CACNA1B: variants seen among roughly 807,000 people sequenced by gnomAD.
The protein encoded by CACNA1B is calcium voltage-gated channel subunit alpha1 B.
In CACNA1B, 70 loss-of-function variants were observed where a neutral mutation model predicts 247.2. The ratio of observed to expected loss-of-function variants is 0.28; its 90% CI spans 0.23 to 0.35. The LOEUF (loss-of-function observed/expected upper bound fraction) is 0.35. Ranked by LOEUF, CACNA1B falls within the 10% of genes least tolerant of loss-of-function variation. The pLI is 1.00. For missense variants in CACNA1B, 2,367 were observed against 3,197.4 expected (o/e 0.74, Z 6.26); for synonymous variants, 1,231 against 1,294.4 (o/e 0.95, Z 1.05).
rs1029878985 is a variant in CACNA1B at position 138,059,562 on chromosome 9, G to T, written c.4585-92G>T. Reference sequence around the variant, plus strand: ...GTGCTCAGGGTCTATCACCCTCACCGCTTTCTTAATCAGGGCCACCACCTA... The same window carrying T: ...GTGCTCAGGGTCTATCACCCTCACCTCTTTCTTAATCAGGGCCACCACCTA... On this transcript the variant is annotated intron_variant, in intron 30 of 46. Coordinates refer to ENST00000371372, the MANE Select transcript of CACNA1B (RefSeq NM_000718.4). The surrounding 1 kb of genome is among the most constrained non-coding windows in gnomAD (Gnocchi z 4.2). 1 of 797,678 alleles carries T rather than the reference G, an allele frequency of 1.3e-6. No individual in the cohort carries two copies. The highest frequency in any genetic ancestry group is 1.7e-5 in the African/African-American group (1 of 59,244). 49.4% of individuals were successfully genotyped at this position (797,678 alleles called of 1,614,324 possible).
At chr9:138,088,384 G>GT (rs1564280659) in intron 36 of CACNA1B, among the ~76,000 whole-genome samples, 1 of 151,506 alleles carries the variant, frequency 6.6e-6, no homozygotes, top group African/African-American at 2.4e-5. Context: ...AAAAAAAATT[G>GT]TTTTTTTGAA....
At position 137,990,698 on chromosome 9, in the gene CACNA1B, T is replaced by C. The variant is rs1040884956; in HGVS notation, c.1974+3844T>C. Among the ~76,000 whole-genome samples, 1 of 146,246 alleles carries C rather than the reference T, an allele frequency of 6.8e-6. No individual in the cohort carries two copies. Among genetic ancestry groups the C allele is most frequent in the African/African-American group, 2.6e-5 (1 of 39,044 alleles). On this transcript the variant is annotated intron_variant, in intron 15 of 46. Transcript: ENST00000371372. The surrounding 1 kb of genome is among the most constrained non-coding windows in gnomAD (Gnocchi z 4.5). ...CAGCCAAGGACCCTCACAGAGTCCA[T>C]TTCACTCCCCTGCTACCCCCACCAG...
chr9:137,878,989 CTG>C, intron 1 of CACNA1B, 63 bp from the exon 2 acceptor site: 1 of 1,042,334 alleles, frequency 9.6e-7, no homozygotes, highest in Non-Finnish European at 1.4e-6. Flanking sequence ...GCACTGGGCT[CTG>C]CTGGCGTCGG....
intron 10 of CACNA1B, among the ~76,000 whole-genome samples, chr9:137,968,757 T>G (rs558586052): frequency 1.3e-5 from 2 of 152,344 alleles, no homozygotes; most frequent in South Asian, 4.1e-4. Context: ...AGAGTCTGCC[T>G]TAGGGCACAA....
chr9:138,000,378 A>G (rs147172456), intron 15 of CACNA1B, among the ~76,000 whole-genome samples: 4,674 of 152,302 alleles, frequency 0.031, 94 homozygotes, highest in Non-Finnish European at 0.038. Context: ...GATTACAGAC[A>G]TGAGCCACCG....
At chr9:137,964,885 TTTG>T (rs1156509252) in intron 10 of CACNA1B, among the ~76,000 whole-genome samples, 5 of 152,280 alleles carry the variant, frequency 3.3e-5, no homozygotes, top group Middle Eastern at 3.4e-3. Flanking sequence ...GTTTTTGTGT[TTTG>T]TTGTTGTTGT....
intron 12 of CACNA1B, among the ~76,000 whole-genome samples, chr9:137,979,269 T>C (rs994284633): frequency 6.6e-6 from 1 of 152,158 alleles, no homozygotes; most frequent in Non-Finnish European, 1.5e-5. Flanking sequence ...GCCAAGGATA[T>C]GGTCATTCCA....
In CACNA1B at chr9:137,957,733, C is replaced by A; in HGVS notation, c.1333+46C>A. On this transcript the variant is annotated intron_variant, in intron 10 of 46. Coordinates refer to ENST00000371372, the MANE Select transcript of CACNA1B (RefSeq NM_000718.4). The surrounding 1 kb of genome is among the most constrained non-coding windows in gnomAD (Gnocchi z 4.7). ...CCAGCTCTGCCAGGCTTGAGCTGGA[C>A]ATGGAGTGCATGCTCCGCTTCCCCT... 1 of 1,317,514 alleles carries A rather than the reference C, an allele frequency of 7.6e-7. No homozygotes were observed. The highest frequency in any genetic ancestry group is 1.0e-6 in the Non-Finnish European group (1 of 952,730). 81.6% of individuals were successfully genotyped at this position (1,317,514 alleles called of 1,614,324 possible).
rs755313151 is a variant in CACNA1B at position 137,971,158 on chromosome 9, A to G, written c.1334-225A>G. ...CCAGAGAAGTGAGTACAGATCATCCACTTCAATCTGGCTCTCACATCTGGC... is the reference window on the plus strand; with the variant it reads ...CCAGAGAAGTGAGTACAGATCATCCGCTTCAATCTGGCTCTCACATCTGGC... On this transcript the variant is annotated intron_variant, in intron 10 of 46. Transcript: ENST00000371372. The surrounding 1 kb of genome is among the most constrained non-coding windows in gnomAD (Gnocchi z 4.4). 2.6e-5 allele frequency among the ~76,000 whole-genome samples: 4 copies of G among 152,114 alleles called. No individual in the cohort carries two copies. The highest frequency in any genetic ancestry group is 4.4e-5 in the Non-Finnish European group (3 of 68,010).
chr9:138,000,349 T>C lies in CACNA1B; in HGVS notation c.1975-6418T>C, dbSNP rs185838191. 9.0e-3 allele frequency among the ~76,000 whole-genome samples: 1,367 copies of C among 152,048 alleles called. 15 individuals are homozygous for C. Among genetic ancestry groups the C allele is most frequent in the South Asian group, 0.026 (124 of 4,800 alleles). ...TCCTGACCTCGTGATCAGCCCGCCT[T>C]GGCCTCCCAAAGTGCTGGGATTACA... On this transcript the variant is annotated intron_variant, in intron 15 of 46. Transcript: ENST00000371372.
chr9:138,055,412 G>A (rs369013147), intron 26 of CACNA1B, among the ~76,000 whole-genome samples: 1 of 152,164 alleles, frequency 6.6e-6, no homozygotes, highest in South Asian at 2.1e-4. Context: ...TTACAGGTGT[G>A]AGCCACTGTA....
intron 21 of CACNA1B, among the ~76,000 whole-genome samples, chr9:138,046,326 A>G (rs1216801973): frequency 6.6e-6 from 1 of 152,216 alleles, no homozygotes; most frequent in East Asian, 1.9e-4. Flanking sequence ...GTCCCCGTGC[A>G]GCGTGTTCAC....
intron 6 of CACNA1B, among the ~76,000 whole-genome samples, chr9:137,928,771 G>T (rs1326583866): frequency 6.6e-6 from 1 of 152,136 alleles, no homozygotes; most frequent in Non-Finnish European, 1.5e-5. Flanking sequence ...CTGTATCCAT[G>T]AGCCATCAGT....
chr9:137,895,070 G>A (rs1957158080), intron 3 of CACNA1B, among the ~76,000 whole-genome samples: 1 of 152,174 alleles, frequency 6.6e-6, no homozygotes, highest in Non-Finnish European at 1.5e-5. Context: ...GCCTGTGGGT[G>A]TCCAGTGGCA....
intron 10 of CACNA1B, among the ~76,000 whole-genome samples, chr9:137,960,053 G>C: frequency 6.7e-6 from 1 of 150,192 alleles, no homozygotes. Flanking sequence ...GAGGGACGCC[G>C]GGGCGGGGGA....
At chr9:137,963,396 GTTATTA>G (rs1378303061) in intron 10 of CACNA1B, among the ~76,000 whole-genome samples, 2 of 151,996 alleles carry the variant, frequency 1.3e-5, no homozygotes, top group African/African-American at 4.8e-5. Context: ...AGTTAGTATT[GTTATTA>G]TTATTATTTT....
At position 138,100,417 on chromosome 9, in the gene CACNA1B, G is replaced by A. The variant is rs2131347221; in HGVS notation, c.5223-2294G>A. ...GGGCAGGGACAGCTGGGGAGGGTGG[G>A]GGGTCTCACGTGTGTCCAGCCCCCC... On this transcript the variant is annotated intron_variant, in intron 37 of 46. Transcript: ENST00000371372. This position sits in a 1 kb window ranked among gnomAD's most constrained non-coding sequence, Gnocchi z 4.6. 6.6e-6 allele frequency among the ~76,000 whole-genome samples: 1 copy of A among 152,266 alleles called. No homozygotes were observed. Among genetic ancestry groups the A allele is most frequent in the East Asian group, 1.9e-4 (1 of 5,178 alleles).
intron 21 of CACNA1B, among the ~76,000 whole-genome samples, chr9:138,046,073 G>A (rs967783394): frequency 3.3e-5 from 5 of 152,198 alleles, no homozygotes; most frequent in Admixed American, 6.5e-5. Flanking sequence ...CAGCCTCCTG[G>A]TTACTGTGCA....
chr9:138,009,946 G>A, intron 16 of CACNA1B, 64 bp from the exon 17 acceptor site: 2 of 1,295,310 alleles, frequency 1.5e-6, no homozygotes, highest in Non-Finnish European at 2.2e-6. Flanking sequence ...GGAGATGGGG[G>A]AAGCTGCAGT....
Sources: gnomAD v4.1 joint callset for allele counts (sites outside exome capture counted in the v4.1 genomes callset) on GRCh38, gnomAD v4.1.1 for gene constraint, Gnocchi (gnomAD v3.1) non-coding constraint, MANE v1.5 for transcripts, NCBI Gene and HGNC (gene_info 2026-07-23, HGNC 2026-07-21) for gene names.